Variants in FAT3 observed in about 807,000 individuals in gnomAD.
FAT3 encodes protocadherin Fat 3.
FAT3 carries 95 observed loss-of-function variants against 310.2 expected under a neutral mutation model. That is an observed-to-expected ratio of 0.31 (90% confidence interval 0.26 to 0.36). The LOEUF is 0.36. FAT3 is among the 10% of genes least tolerant of loss of function. The pLI is 1.00. For synonymous variants in FAT3, 2,314 were observed against 2,192.9 expected, an observed-to-expected ratio of 1.06 and a Z score of -1.54; for missense variants, 5,408 against 5,715.6, an observed-to-expected ratio of 0.95 and a Z score of 1.74.
intron 3 of FAT3, among the ~76,000 whole-genome samples, chr11:92,614,267 G>A (rs1284770777): frequency 6.6e-6 from 1 of 152,042 alleles, no homozygotes; most frequent in Non-Finnish European, 1.5e-5. Flanking sequence ...AATATACATA[G>A]GTATGGAATT....
At chr11:92,741,992 C>G (rs1945521501) in intron 4 of FAT3, among the ~76,000 whole-genome samples, 1 of 152,160 alleles carries the variant, frequency 6.6e-6, no homozygotes, top group Non-Finnish European at 1.5e-5. Flanking sequence ...CAATGCAAGG[C>G]CTTGTTCCTG....
chr11:92,360,090 C>G (rs951236350), intron 2 of FAT3, among the ~76,000 whole-genome samples: 1 of 152,076 alleles, frequency 6.6e-6, no homozygotes, highest in Non-Finnish European at 1.5e-5. Flanking sequence ...GTTTACAGTC[C>G]CACCAACAGT....
chr11:92,301,418 TC>T (rs1409461297), intron 1 of FAT3, among the ~76,000 whole-genome samples: 1 of 152,110 alleles, frequency 6.6e-6, no homozygotes, highest in African/African-American at 2.4e-5. Context: ...AGCATTTCTC[TC>T]CCTTCCTCTG....
At chr11:92,530,409 A>G (rs1452216749) in intron 3 of FAT3, among the ~76,000 whole-genome samples, 1 of 152,142 alleles carries the variant, frequency 6.6e-6, no homozygotes, top group Non-Finnish European at 1.5e-5. Context: ...AGCAAACTTT[A>G]TGAGTTACCC....
At chr11:92,817,455 G>A (rs1050647921) in intron 13 of FAT3, among the ~76,000 whole-genome samples, 1 of 152,174 alleles carries the variant, frequency 6.6e-6, no homozygotes, top group African/African-American at 2.4e-5. Context: ...GAGCTTCCCT[G>A]TTTTGCCCCG....
intron 3 of FAT3, among the ~76,000 whole-genome samples, chr11:92,683,656 C>T (rs922048656): frequency 6.6e-6 from 1 of 152,136 alleles, no homozygotes; most frequent in Non-Finnish European, 1.5e-5. Context: ...CGTTGAAAGC[C>T]AACCACCCCA....
intron 3 of FAT3, among the ~76,000 whole-genome samples, chr11:92,657,941 A>C (rs1441564735): frequency 6.6e-6 from 1 of 152,224 alleles, no homozygotes; most frequent in Non-Finnish European, 1.5e-5. Context: ...ATGGAAAAGC[A>C]ATAGGAGCCA....
chr11:92,847,916 C>CAA (rs1186785070), intron 19 of FAT3, among the ~76,000 whole-genome samples: 1 of 145,302 alleles, frequency 6.9e-6, no homozygotes, highest in Admixed American at 6.6e-5. Flanking sequence ...CCCCTCCCCC[C>CAA]AAACACACAC....
At position 92,459,021 on chromosome 11, in the gene FAT3, T is replaced by C. The variant is rs538180837; in HGVS notation, c.3293-65613T>C. Among the ~76,000 whole-genome samples the C allele has an allele frequency of 5.8e-4, 88 of 152,326 alleles. 1 individual carries two copies. In the South Asian group the frequency reaches 8.5e-3, roughly 15 times the overall value. On this transcript the variant is annotated intron_variant, in intron 2 of 27. Transcript: ENST00000525166. ...TAAGAAAATTGATTATATTTCTCCA[T>C]ATCAAAAAAGGCATTCACTGACAAC...
At chr11:92,233,017 A>G (rs919054705) in intron 1 of FAT3, among the ~76,000 whole-genome samples, 3 of 152,190 alleles carry the variant, frequency 2.0e-5, no homozygotes, top group African/African-American at 7.2e-5. Context: ...GTTTCTAATC[A>G]TACAGAAGAC....
At position 92,698,342 on chromosome 11, in the gene FAT3, T is replaced by G. The variant is rs1944000221; in HGVS notation, c.3669+897T>G. 2.0e-5 allele frequency among the ~76,000 whole-genome samples: 3 copies of G among 152,328 alleles called. No individual in the cohort carries two copies. In the South Asian group the frequency reaches 6.2e-4, roughly 32 times the overall value. ...TAGAATCTCTTCTGGTCTACTCCTTTAAATTAGCTCACCAGTCATGATTTA... is the reference window on the plus strand; with the variant it reads ...TAGAATCTCTTCTGGTCTACTCCTTGAAATTAGCTCACCAGTCATGATTTA... On this transcript the variant is annotated intron_variant, in intron 4 of 27. Coordinates refer to ENST00000525166, the MANE Select transcript of FAT3 (RefSeq NM_001367949.2).
intron 3 of FAT3, among the ~76,000 whole-genome samples, chr11:92,665,872 A>G (rs1286385077): frequency 6.6e-6 from 1 of 152,194 alleles, no homozygotes; most frequent in African/African-American, 2.4e-5. Context: ...TCTTCTACTT[A>G]GAACTTGCTT....
intron 3 of FAT3, among the ~76,000 whole-genome samples, chr11:92,549,885 T>C (rs1223512421): frequency 6.6e-6 from 1 of 152,186 alleles, no homozygotes; most frequent in Non-Finnish European, 1.5e-5. Flanking sequence ...ACGCTTTACA[T>C]ATATACTCTC....
At chr11:92,472,185 G>A (rs2135154002) in intron 2 of FAT3, among the ~76,000 whole-genome samples, 1 of 151,932 alleles carries the variant, frequency 6.6e-6, no homozygotes, top group Non-Finnish European at 1.5e-5. Context: ...CAGTGTGTGG[G>A]TGTATATTTT....
rs1021188121 is a variant in FAT3 at position 92,825,319 on chromosome 11, A to G, written c.9482-6303A>G. 5.3e-5 allele frequency among the ~76,000 whole-genome samples: 8 copies of G among 152,204 alleles called. No homozygotes were observed. The East Asian group carries it at 1.5e-3, about 29-fold the overall frequency. On this transcript the variant is annotated intron_variant, in intron 13 of 27. Coordinates refer to ENST00000525166, the MANE Select transcript of FAT3 (RefSeq NM_001367949.2). The stretch of plus-strand genomic sequence containing the variant: ...TTGGGGTTCAAAGATAATAAGACAC[A>G]GTTCCTTTACCTAAAAGGTACATTA...
intron 1 of FAT3, among the ~76,000 whole-genome samples, chr11:92,260,701 C>G (rs979677201): frequency 2.6e-5 from 4 of 152,062 alleles, no homozygotes; most frequent in African/African-American, 9.7e-5. Flanking sequence ...AATATTATCA[C>G]CTGGTCCCTT....
intron 1 of FAT3, among the ~76,000 whole-genome samples, chr11:92,298,304 G>A (rs983963180): frequency 2.6e-5 from 4 of 152,050 alleles, no homozygotes; most frequent in Non-Finnish European, 5.9e-5. Context: ...GAATGACTCT[G>A]TGCATAGAAA....
intron 4 of FAT3, among the ~76,000 whole-genome samples, chr11:92,726,455 G>A (rs905593925): frequency 2.6e-5 from 4 of 152,140 alleles, no homozygotes; most frequent in African/African-American, 7.2e-5. Context: ...TTGTGGTTAC[G>A]ATGTTTTAGA....
chr11:92,260,280 C>A (rs1022915321), intron 1 of FAT3, among the ~76,000 whole-genome samples: 2 of 151,802 alleles, frequency 1.3e-5, no homozygotes, highest in African/African-American at 2.4e-5. Context: ...TAAGAGCGGT[C>A]ATTTGTATGA....
Sources: allele counts gnomAD v4.1 joint callset (sites outside exome capture counted in the v4.1 genomes callset), GRCh38; gene constraint gnomAD v4.1.1; transcripts MANE v1.5; gene names NCBI Gene and HGNC (gene_info 2026-07-23, HGNC 2026-07-21).